The following ZDHHC21 variants were observed in gnomAD, a reference collection of about 807,000 sequenced individuals.
ZDHHC21 encodes zDHHC palmitoyltransferase 21.
In ZDHHC21, 15 loss-of-function variants were observed where a neutral mutation model predicts 34.6. That is an observed-to-expected ratio of 0.43 (90% CI 0.29 to 0.67). ZDHHC21 has a LOEUF of 0.67. Ranked by LOEUF, ZDHHC21 falls within the 30% of genes least tolerant of loss-of-function variation. ZDHHC21 has a pLI of 0.14. For synonymous variants in ZDHHC21, 142 were observed against 101.8 expected, an observed-to-expected ratio of 1.40 and a Z score of -2.38; for missense variants, 344 against 327.7, an observed-to-expected ratio of 1.05 and a Z score of -0.38.
Position 14,674,121 on chromosome 9 carries a change from T to TA in ZDHHC21, c.154+65dup, listed in dbSNP as rs1835927812. 2.6e-6 allele frequency: 3 copies of TA among 1,148,530 alleles called. No homozygotes were observed. In the South Asian group the frequency reaches 6.6e-5, roughly 25 times the overall value. The allele number at this position is 1,148,530 out of a possible 1,614,324, so 71.1% of individuals were successfully genotyped here. A position where few individuals can be genotyped will look rare whatever the true frequency, so the allele number is the denominator to read the frequency against. ...AAAAGGAAAGTTATCATAGTGGCACTACACCCCAAAAACGTTTACAATGAG... is the reference window on the plus strand; with the variant it reads ...AAAAGGAAAGTTATCATAGTGGCACTAACACCCCAAAAACGTTTACAATGAG... On this transcript the variant is annotated intron_variant, in intron 4 of 9. Transcript: ENST00000380916.
At position 14,638,664 on chromosome 9, in the gene ZDHHC21, C is replaced by T. The variant is rs1383084315; in HGVS notation, c.621+1232G>A. Among the ~76,000 whole-genome samples the T allele has an allele frequency of 4.6e-5, 7 of 151,184 alleles. No homozygotes were observed. In the South Asian group the frequency reaches 1.5e-3, roughly 32 times the overall value. ...GACACTACCCAGAATATACAAGGAA[C>T]TCAACAATTAAAAAAAAAAGGTACC... On this transcript the variant is annotated intron_variant, in intron 8 of 9. Transcript: ENST00000380916.
intron 8 of ZDHHC21, among the ~76,000 whole-genome samples, chr9:14,638,520 C>T (rs920831730): frequency 1.3e-5 from 2 of 151,870 alleles, no homozygotes; most frequent in African/African-American, 2.4e-5. Flanking sequence ...AAAATGCAGA[C>T]AACAAATACA....
chr9:14,647,344 T>C (rs1830432025), intron 7 of ZDHHC21, among the ~76,000 whole-genome samples: 1 of 152,144 alleles, frequency 6.6e-6, no homozygotes, highest in African/African-American at 2.4e-5. Flanking sequence ...AACAAATAAT[T>C]AAATACTTGA....
At chr9:14,669,554 C>T (rs952275321) in intron 5 of ZDHHC21, among the ~76,000 whole-genome samples, 4 of 150,912 alleles carry the variant, frequency 2.7e-5, no homozygotes, top group Admixed American at 6.6e-5. Context: ...CACATGCACA[C>T]GTATGTTTAT....
At chr9:14,621,832 C>A (rs533519548) in intron 8 of ZDHHC21, among the ~76,000 whole-genome samples, 2 of 152,116 alleles carry the variant, frequency 1.3e-5, no homozygotes, top group Non-Finnish European at 2.9e-5. Context: ...TGAAAAACCA[C>A]AAGTTATCCT....
intron 8 of ZDHHC21, among the ~76,000 whole-genome samples, chr9:14,628,143 GATTAGTCTAT>G (rs1826642551): frequency 6.6e-6 from 1 of 152,148 alleles, no homozygotes; most frequent in Non-Finnish European, 1.5e-5. Context: ...TTGGGCTTCA[GATTAGTCTAT>G]TTAACAGAAA....
chr9:14,604,024 G>GA, the ZDHHC21 span, among the ~76,000 whole-genome samples: 3 of 152,184 alleles, frequency 2.0e-5, no homozygotes, highest in Non-Finnish European at 4.4e-5. Flanking sequence ...AATTACATTA[G>GA]ATTCCTGGCA....
intron 7 of ZDHHC21, among the ~76,000 whole-genome samples, chr9:14,656,737 GCTTT>G (rs1270875435): frequency 1.3e-5 from 2 of 151,862 alleles, no homozygotes; most frequent in African/African-American, 4.8e-5. Context: ...TCCTAAAGTA[GCTTT>G]CTAACAACCA....
Position 14,637,094 on chromosome 9 carries a change from C to T in ZDHHC21, c.621+2802G>A, listed in dbSNP as rs199969794. 2.6e-5 allele frequency among the ~76,000 whole-genome samples: 4 copies of T among 151,468 alleles called. No individual in the cohort carries two copies. In the East Asian group the frequency reaches 7.7e-4, roughly 29 times the overall value. On this transcript the variant is annotated intron_variant, in intron 8 of 9. Transcript: ENST00000380916. The stretch of plus-strand genomic sequence containing the variant: ...AGCAAAAGAGACTAAAAAAAATATG[C>T]AAAGAAGCAATAAGACAAAAAGTTG...
chr9:14,594,073 G>C, the ZDHHC21 span: 1 of 152,274 alleles, frequency 6.6e-6, no homozygotes, highest in Non-Finnish European at 1.5e-5. Flanking sequence ...AATAGAGGAA[G>C]TTTTCAAAAA....
At chr9:14,649,364 T>C (rs1016470386) in intron 7 of ZDHHC21, among the ~76,000 whole-genome samples, 3 of 152,136 alleles carry the variant, frequency 2.0e-5, no homozygotes, top group African/African-American at 7.2e-5. Flanking sequence ...CAACTTCACA[T>C]GCTGAGGGTA....
chr9:14,661,229 T>C (rs1475209945), intron 6 of ZDHHC21, among the ~76,000 whole-genome samples: 1 of 152,118 alleles, frequency 6.6e-6, no homozygotes, highest in African/African-American at 2.4e-5. Context: ...AAACAGTCTA[T>C]GCAAAAAAAC....
intron 7 of ZDHHC21, among the ~76,000 whole-genome samples, chr9:14,657,956 G>C (rs927791362): frequency 2.0e-5 from 3 of 151,980 alleles, no homozygotes; most frequent in African/African-American, 4.8e-5. Context: ...CTATAAATAA[G>C]ATGAAACATT....
At chr9:14,605,765 T>G in the ZDHHC21 span, among the ~76,000 whole-genome samples, 1 of 152,212 alleles carries the variant, frequency 6.6e-6, no homozygotes, top group Non-Finnish European at 1.5e-5. Flanking sequence ...AACAATGTTA[T>G]GAAGATTTTC....
At chr9:14,597,631 G>GC in the ZDHHC21 span, among the ~76,000 whole-genome samples, 1 of 152,162 alleles carries the variant, frequency 6.6e-6, no homozygotes, top group Admixed American at 6.5e-5. Context: ...GCTGGTACCT[G>GC]CACATACCAT....
chr9:14,690,068 C>G (rs1838943821), intron 2 of ZDHHC21, among the ~76,000 whole-genome samples: 1 of 152,042 alleles, frequency 6.6e-6, no homozygotes, highest in Non-Finnish European at 1.5e-5. Flanking sequence ...AAAAAGGTAA[C>G]TTTTGTTCCA....
chr9:14,673,122 T>A (rs1835776481), intron 4 of ZDHHC21, among the ~76,000 whole-genome samples, 194 bp from the exon 5 acceptor site: 1 of 152,010 alleles, frequency 6.6e-6, no homozygotes, highest in South Asian at 2.1e-4. Flanking sequence ...TAGTCCTAAT[T>A]TTAATCATTA....
chr9:14,671,681 C>T (rs375234355), intron 5 of ZDHHC21, among the ~76,000 whole-genome samples: 1 of 151,892 alleles, frequency 6.6e-6, no homozygotes, highest in Non-Finnish European at 1.5e-5. Flanking sequence ...AACCACATGT[C>T]GAACATTCAA....
At chr9:14,648,483 C>CT in intron 7 of ZDHHC21, among the ~76,000 whole-genome samples, 1 of 152,062 alleles carries the variant, frequency 6.6e-6, no homozygotes, top group East Asian at 1.9e-4. Context: ...TCACTCCACT[C>CT]AAGATACACT....
Sources: gnomAD v4.1 joint callset for allele counts (sites outside exome capture counted in the v4.1 genomes callset) on GRCh38, gnomAD v4.1.1 for gene constraint, MANE v1.5 for transcripts, NCBI Gene and HGNC (gene_info 2026-07-23, HGNC 2026-07-21) for gene names.